The following TAFA2 variants were observed in gnomAD, a reference collection of about 807,000 sequenced individuals.
TAFA2 encodes TAFA chemokine like family member 2.
Under a neutral mutation model 18.8 loss-of-function variants are expected in TAFA2, and 7 were observed. The ratio of observed to expected loss-of-function variants is 0.37; its 90% CI spans 0.21 to 0.70. The LOEUF (loss-of-function observed/expected upper bound fraction) is 0.70. Ranked by LOEUF, TAFA2 falls within the 30% of genes least tolerant of loss-of-function variation. The probability of loss-of-function intolerance (pLI) is 0.53; values close to 1 mark genes in which losing one functional copy is unlikely to be tolerated. For synonymous variants in TAFA2, 60 were observed against 54.2 expected (o/e 1.11, Z -0.47); for missense variants, 122 against 158.1 (o/e 0.77, Z 1.23).
chr12:62,043,767 A>G (rs1018698808), intron 1 of TAFA2, among the ~76,000 whole-genome samples: 1 of 152,188 alleles, frequency 6.6e-6, no homozygotes, highest in African/African-American at 2.4e-5. Context: ...CATATAATAC[A>G]TGATAGTTTC....
intron 2 of TAFA2, among the ~76,000 whole-genome samples, chr12:61,833,326 T>C (rs1160994191): frequency 6.6e-6 from 1 of 151,618 alleles, no homozygotes; most frequent in African/African-American, 2.4e-5. Context: ...TCACTCTTTG[T>C]CCCCATTCAA....
intron 1 of TAFA2, among the ~76,000 whole-genome samples, chr12:62,016,921 G>C (rs753756229): frequency 6.6e-6 from 1 of 152,198 alleles, no homozygotes; most frequent in Non-Finnish European, 1.5e-5. Context: ...GAGTTGGAAG[G>C]CAATGAAGAA....
chr12:62,195,717 GTGC>G (rs2062645960), upstream of TAFA2, among the ~76,000 whole-genome samples: 1 of 152,196 alleles, frequency 6.6e-6, no homozygotes, highest in Non-Finnish European at 1.5e-5. Context: ...GTAAACAAAT[GTGC>G]TGCTATCAGG....
intron 1 of TAFA2, among the ~76,000 whole-genome samples, chr12:61,964,869 C>A (rs943098103): frequency 6.6e-6 from 1 of 151,800 alleles, no homozygotes; most frequent in African/African-American, 2.4e-5. Context: ...TTCCTACTAT[C>A]CCCCAATAAC....
chr12:62,023,136 A>T (rs1446525378), intron 1 of TAFA2, among the ~76,000 whole-genome samples: 2 of 152,224 alleles, frequency 1.3e-5, no homozygotes, highest in African/African-American at 4.8e-5. Context: ...ACGGGTTCAT[A>T]GAGAGCCAAG....
At chr12:62,047,729 C>T (rs1023373651) in intron 1 of TAFA2, among the ~76,000 whole-genome samples, 1 of 152,002 alleles carries the variant, frequency 6.6e-6, no homozygotes, top group African/African-American at 2.4e-5. Flanking sequence ...ATTTTACTAC[C>T]TAAGAAAGTT....
intron 1 of TAFA2, among the ~76,000 whole-genome samples, chr12:61,928,834 C>A (rs1877422504): frequency 1.3e-5 from 2 of 151,330 alleles, no homozygotes; most frequent in Middle Eastern, 3.4e-3. Context: ...GCTATGCAGC[C>A]AAAAAAAACA....
At chr12:61,783,009 C>T (rs2120891687) in intron 2 of TAFA2, among the ~76,000 whole-genome samples, 1 of 151,616 alleles carries the variant, frequency 6.6e-6, no homozygotes, top group East Asian at 1.9e-4. Flanking sequence ...AATCTTAAAG[C>T]TTGAGGAAAA....
At chr12:61,849,044 A>G (rs1345179838) in intron 2 of TAFA2, among the ~76,000 whole-genome samples, 1 of 152,084 alleles carries the variant, frequency 6.6e-6, no homozygotes, top group East Asian at 1.9e-4. Context: ...GGGTTTCACC[A>G]TGTTGGCCAG....
At position 61,953,314 on chromosome 12, in the gene TAFA2, C is replaced by A. The variant is rs74349911; in HGVS notation, c.-1-85888G>T. On this transcript the variant is annotated intron_variant, in intron 1 of 4. Transcript: ENST00000416284. ...TGGTTATTTTGTTTGGATTACAGGT[C>A]TCTGTAATAAAAAAGTTAAATACAA... 9.6e-3 allele frequency among the ~76,000 whole-genome samples: 1,466 copies of A among 152,096 alleles called. 39 individuals are homozygous for A. Among genetic ancestry groups the A allele is most frequent in the African/African-American group, 0.033 (1,380 of 41,494 alleles).
At chr12:62,226,742 G>A (rs540778179) in intron 1 of TAFA2, among the ~76,000 whole-genome samples, 3 of 152,068 alleles carry the variant, frequency 2.0e-5, no homozygotes, top group Non-Finnish European at 2.9e-5. Flanking sequence ...GTTACCCAAG[G>A]CAAAAATATG....
intron 4 of TAFA2, among the ~76,000 whole-genome samples, chr12:61,742,119 A>C (rs528314655): frequency 6.6e-6 from 1 of 152,148 alleles, no homozygotes; most frequent in South Asian, 2.1e-4. Flanking sequence ...GGTCTCGAAC[A>C]TCTGGCCTCA....
In TAFA2 at chr12:61,935,702, T is replaced by G. The variant is rs77920707; in HGVS notation, c.-1-68276A>C. ...AAAACACAAAGAGAAACAGAGATTTTAAACATCTGAATTCTAACCTCTACA... is the reference window on the plus strand; with the variant it reads ...AAAACACAAAGAGAAACAGAGATTTGAAACATCTGAATTCTAACCTCTACA... On this transcript the variant is annotated intron_variant, in intron 1 of 4. Transcript: ENST00000416284. Among the ~76,000 whole-genome samples the G allele has an allele frequency of 8.4e-3, 1,279 of 152,204 alleles. 19 individuals carry two copies. Among genetic ancestry groups the G allele is most frequent in the African/African-American group, 0.03 (1,235 of 41,554 alleles).
At chr12:61,944,001 A>AT (rs1878155322) in intron 1 of TAFA2, among the ~76,000 whole-genome samples, 2 of 136,384 alleles carry the variant, frequency 1.5e-5, no homozygotes, top group South Asian at 5.3e-4. Context: ...CAGAATATAC[A>AT]TTTTTTTCAG....
chr12:62,239,948 T>G (rs2062854598), intron 1 of TAFA2, among the ~76,000 whole-genome samples: 1 of 152,118 alleles, frequency 6.6e-6, no homozygotes, highest in African/African-American at 2.4e-5. Flanking sequence ...ATAACTAGAA[T>G]AGTCAGCCAA....
intron 1 of TAFA2, among the ~76,000 whole-genome samples, chr12:62,069,079 G>A (rs1017132031): frequency 6.6e-6 from 1 of 152,082 alleles, no homozygotes. Context: ...CAATTTTTGT[G>A]CTGCAATTTC....
chr12:62,094,719 T>C (rs1313104351), intron 1 of TAFA2, among the ~76,000 whole-genome samples: 1 of 151,614 alleles, frequency 6.6e-6, no homozygotes, highest in Non-Finnish European at 1.5e-5. Context: ...ACTTGTAAGA[T>C]ACATTCTATT....
intron 1 of TAFA2, among the ~76,000 whole-genome samples, chr12:62,227,744 C>T (rs550807992): frequency 6.6e-6 from 1 of 152,316 alleles, no homozygotes; most frequent in South Asian, 2.1e-4. Flanking sequence ...CTCATAGTCT[C>T]AATCCTAGAC....
At chr12:62,236,483 T>C (rs2062838192) in intron 1 of TAFA2, among the ~76,000 whole-genome samples, 1 of 152,004 alleles carries the variant, frequency 6.6e-6, no homozygotes, top group Admixed American at 6.5e-5. Context: ...GCCAAGATGG[T>C]CTCCATCTCC....
Sources: gnomAD v4.1 joint callset for allele counts (sites outside exome capture counted in the v4.1 genomes callset) on GRCh38, gnomAD v4.1.1 for gene constraint, MANE v1.5 for transcripts, NCBI Gene and HGNC (gene_info 2026-07-23, HGNC 2026-07-21) for gene names.